RNF43: variants seen among roughly 807,000 people sequenced by gnomAD.
The protein encoded by RNF43 is E3 ubiquitin-protein ligase RNF43.
RNF43 carries 37 observed loss-of-function variants against 78.4 expected under a neutral mutation model. The observed-to-expected ratio is 0.47, with a 90% CI of 0.36 to 0.62. The LOEUF is 0.62. RNF43 is among the 20% of genes least tolerant of loss of function. The probability of loss-of-function intolerance (pLI) is 0.00; values close to 1 mark genes in which losing one functional copy is unlikely to be tolerated. For missense variants in RNF43, 774 were observed against 1,007.9 expected (o/e 0.77, Z 3.14); for synonymous variants, 347 against 395.0 (o/e 0.88, Z 1.44).
At chr17:58,386,267 A>G (rs1973432615) in intron 2 of RNF43, among the ~76,000 whole-genome samples, 1 of 152,050 alleles carries the variant, frequency 6.6e-6, no homozygotes, top group South Asian at 2.1e-4. Context: ...CTCTACTAAA[A>G]ATACAAAAAT....
At chr17:58,411,105 T>C (rs961981683) in intron 2 of RNF43, among the ~76,000 whole-genome samples, 1 of 152,200 alleles carries the variant, frequency 6.6e-6, no homozygotes, top group African/African-American at 2.4e-5. Flanking sequence ...CTGAATTTCT[T>C]CTCTCATAAA....
intron 9 of RNF43, among the ~76,000 whole-genome samples, chr17:58,355,324 T>C (rs1972665440): frequency 6.6e-6 from 1 of 152,130 alleles, no homozygotes; most frequent in African/African-American, 2.4e-5. Flanking sequence ...GGTAACCTTT[T>C]TGGAGAGAAA....
chr17:58,358,815 A>C lies in RNF43; in HGVS notation c.961T>G (p.Ser321Ala), dbSNP rs761876085. Residue 321 changes from serine to alanine, a missense_variant, in exon 9 of 10, where the codon TCA becomes GCA. By Grantham distance (99) the Ser-to-Ala change is moderately conservative. Transcript: ENST00000407977. The surrounding 1 kb of genome is among the most constrained non-coding windows in gnomAD (Gnocchi z 6.2). ...LCMFNITEGDSFSQSLGPSRS... is the reference protein window; with the variant it reads ...LCMFNITEGDAFSQSLGPSRS... ...GAGGGTCCCAGGGACTGGGAAAATGAATCTCCCTCTGGAAAAAAGAACCAA... is the reference window on the plus strand; with the variant it reads ...GAGGGTCCCAGGGACTGGGAAAATGCATCTCCCTCTGGAAAAAAGAACCAA... 3.3e-6 allele frequency: 5 copies of C among 1,501,114 alleles called. No individual in the cohort carries two copies. In the South Asian group the frequency reaches 6.6e-5, roughly 20 times the overall value. The allele number at this position is 1,501,114 out of a possible 1,614,324, so 93.0% of individuals were successfully genotyped here. A position where few individuals can be genotyped will look rare whatever the true frequency, so the allele number is the denominator to read the frequency against.
chr17:58,370,156 C>T (rs761177554), intron 3 of RNF43, among the ~76,000 whole-genome samples: 91 of 150,236 alleles, frequency 6.1e-4, no homozygotes, highest in Middle Eastern at 3.5e-3. Context: ...GCAAGCTCCA[C>T]CTCCTGGGTT....
chr17:58,394,050 C>T (rs770212148), intron 2 of RNF43, among the ~76,000 whole-genome samples: 6 of 152,142 alleles, frequency 3.9e-5, no homozygotes, highest in Non-Finnish European at 7.3e-5. Flanking sequence ...AGCGAAACTC[C>T]GTCTCCAAAA....
chr17:58,396,487 T>A (rs767470810), intron 2 of RNF43, among the ~76,000 whole-genome samples: 9 of 152,116 alleles, frequency 5.9e-5, no homozygotes, highest in Non-Finnish European at 1.0e-4. Flanking sequence ...TTCTACTAAG[T>A]ACAATTAACT....
chr17:58,384,850 T>C (rs1165301735), intron 2 of RNF43, among the ~76,000 whole-genome samples: 6 of 152,220 alleles, frequency 3.9e-5, no homozygotes, highest in Admixed American at 2.0e-4. Context: ...TTAGCTTAAA[T>C]GAAAAATGTG....
chr17:58,352,701 C>T (rs965320779), downstream of RNF43: 2 of 207,558 alleles, frequency 9.6e-6, no homozygotes, highest in Non-Finnish European at 9.8e-6. Flanking sequence ...AGGGTTTCCA[C>T]TTGCTTCCCA....
At chr17:58,394,568 G>A (rs1426121425) in intron 2 of RNF43, among the ~76,000 whole-genome samples, 1 of 152,168 alleles carries the variant, frequency 6.6e-6, no homozygotes. Flanking sequence ...ACACAGCGTG[G>A]GTGAGAGTAC....
At chr17:58,394,802 C>T (rs1258260884) in intron 2 of RNF43, 1 of 152,196 alleles carries the variant, frequency 6.6e-6, no homozygotes, top group Non-Finnish European at 1.5e-5. Context: ...GCATTGGCTC[C>T]ATTGAAACAC....
rs369428576 is a variant in RNF43, at chr17:58,358,172, G to A, written c.1604C>T (p.Ser535Leu). 44 of 1,612,230 alleles carry A rather than the reference G, an allele frequency of 2.7e-5. No individual in the cohort carries two copies. Among genetic ancestry groups the A allele is most frequent in the Admixed American group, 3.3e-5 (2 of 59,754 alleles). The part of the protein sequence containing the change: ...SVTSRPRSLD[S>L]VVPTGETQVS... ...CTGGGTTTCCCCTGTGGGCACCACC[G>A]AGTCCAAGGAACGAGGCCGAGAGGT... is the stretch of plus-strand genomic sequence containing the variant. The change falls in exon 9 of 10, where the codon TCG becomes TTG. Residue 535 changes from serine to leucine, a missense_variant. Ser to Leu is a moderately radical substitution (Grantham distance 145). Coordinates refer to ENST00000407977, the MANE Select transcript of RNF43 (RefSeq NM_017763.6). This position sits in a 1 kb window ranked among gnomAD's most constrained non-coding sequence, Gnocchi z 6.2.
intron 2 of RNF43, among the ~76,000 whole-genome samples, chr17:58,383,530 T>A (rs193007182): frequency 1.9e-3 from 286 of 152,206 alleles, no homozygotes; most frequent in Admixed American, 3.9e-3. Context: ...TTCTAAATCC[T>A]GGCCTCAAGC....
intron 2 of RNF43, among the ~76,000 whole-genome samples, chr17:58,371,819 G>C (rs1248780852): frequency 6.6e-6 from 1 of 152,212 alleles, no homozygotes; most frequent in Non-Finnish European, 1.5e-5. Context: ...AGCTGGTGCT[G>C]AACAATGACT....
chr17:58,403,004 T>TG (rs1290824800), intron 2 of RNF43, among the ~76,000 whole-genome samples: 6 of 151,250 alleles, frequency 4.0e-5, no homozygotes, highest in East Asian at 1.9e-4. Context: ...TTTTTTGGGG[T>TG]GGGGGGGTAG....
At chr17:58,392,135 G>A (rs1005436071) in intron 2 of RNF43, among the ~76,000 whole-genome samples, 2 of 152,188 alleles carry the variant, frequency 1.3e-5, no homozygotes, top group African/African-American at 4.8e-5. Context: ...CCCCCCACGG[G>A]ATATGCACAC....
chr17:58,413,962 G>A (rs1263630664), intron 2 of RNF43, among the ~76,000 whole-genome samples: 1 of 152,140 alleles, frequency 6.6e-6, no homozygotes, highest in African/African-American at 2.4e-5. Flanking sequence ...GGCAAGGCCA[G>A]GAAGGAAGTT....
intron 2 of RNF43, among the ~76,000 whole-genome samples, chr17:58,391,938 A>T (rs1973569098): frequency 6.6e-6 from 1 of 151,472 alleles, no homozygotes; most frequent in African/African-American, 2.4e-5. Context: ...CTTTTGAAGC[A>T]GTTTAGGAGG....
In RNF43 at chr17:58,358,334, T is replaced by C. The variant is rs756604558; in HGVS notation, c.1442A>G (p.Asn481Ser). The change falls in exon 9 of 10, where the codon AAC (asparagine) becomes AGC (serine). Residue 481 changes from asparagine to serine, a missense_variant. By Grantham distance (46) the Asn-to-Ser change is conservative. Transcript: ENST00000407977. The surrounding 1 kb of genome is among the most constrained non-coding windows in gnomAD (Gnocchi z 6.2). ...CCCCTGTAGGCTGATGTCCGTGCAG[T>C]TGACCACAGAGTCACTGGAAGAGCC... ...CHGSSSDSVV[N>S]CTDISLQGVH... 6.2e-7 allele frequency: 1 copy of C among 1,614,172 alleles called. No individual in the cohort carries two copies. Among genetic ancestry groups the C allele is most frequent in the South Asian group, 1.1e-5 (1 of 91,082 alleles).
At chr17:58,415,196 G>T in intron 2 of RNF43, 130 bp downstream of exon 2, 1 of 885,564 alleles carries the variant, frequency 1.1e-6, no homozygotes, top group South Asian at 1.6e-5. Flanking sequence ...CAATAAGGCA[G>T]TATCTACTCT....
Sources: gnomAD v4.1 joint callset for allele counts (sites outside exome capture counted in the v4.1 genomes callset) on GRCh38, gnomAD v4.1.1 for gene constraint, Gnocchi (gnomAD v3.1) non-coding constraint, MANE v1.5 for transcripts, NCBI Gene and HGNC (gene_info 2026-07-23, HGNC 2026-07-21) for gene names.